The following SMPD2 variants were observed in gnomAD, a reference collection of about 807,000 sequenced individuals.
The protein encoded by SMPD2 is sphingomyelin phosphodiesterase 2, also known as N-SMase.
A neutral mutation model predicts 41.7 loss-of-function variants in SMPD2; 35 were observed. The observed-to-expected ratio is 0.84, with a 90% confidence interval of 0.64 to 1.11. The LOEUF (loss-of-function observed/expected upper bound fraction) is 1.11, where lower values mean the gene tolerates loss of function less well. Ranked by LOEUF, SMPD2 falls within the 50% of genes most tolerant of loss-of-function variation. The probability of loss-of-function intolerance (pLI) is 0.00; values close to 1 mark genes in which losing one functional copy is unlikely to be tolerated. For synonymous variants in SMPD2, 201 were observed against 208.2 expected (o/e 0.97, Z 0.30); for missense variants, 520 against 524.8 (o/e 0.99, Z 0.09).
rs1775071679 is a variant in SMPD2 at position 109,443,797 on chromosome 6, G to A, written c.1164G>A (p.Glu388=). Residue 388 remains glutamate, a synonymous_variant, in exon 10 of 10, where the codon GAG becomes GAA. Transcript: ENST00000258052. ...ATGGCTTATATAGGGCCCAGGCTGA[G>A]CTCCAGCATGTGCTAGGAAGGGCAA... ...EVNGLYRAQA[E]LQHVLGRARE... is the part of the protein sequence containing the mutation. 3 of 1,614,176 alleles carry A rather than the reference G, an allele frequency of 1.9e-6. No individual in the cohort carries two copies. In the East Asian group the frequency reaches 6.7e-5, roughly 36 times the overall value.
Position 109,443,818 on chromosome 6 carries a change from G to A in SMPD2, c.1185G>A (p.Arg395=), listed in dbSNP as rs767315393. The part of the protein sequence containing the change: ...AQAELQHVLG[R]AREAQDLGPE... ...CTGAGCTCCAGCATGTGCTAGGAAG[G>A]GCAAGGGAGGCCCAGGATCTGGGCC... Residue 395 remains arginine, a synonymous_variant, in exon 10 of 10, where the codon AGG becomes AGA. Transcript: ENST00000258052. 1.2e-6 allele frequency: 2 copies of A among 1,614,040 alleles called. No homozygotes were observed. The highest frequency in any genetic ancestry group is 2.2e-5 in the East Asian group (1 of 44,880).
At position 109,441,055 on chromosome 6, in the gene SMPD2, C is replaced by T. The variant is rs553477533; in HGVS notation, c.-67C>T. 4.5e-6 allele frequency: 7 copies of T among 1,548,158 alleles called. No homozygotes were observed. Among genetic ancestry groups the T allele is most frequent in the South Asian group, 4.5e-5 (4 of 89,496 alleles). On this transcript the variant is annotated 5_prime_UTR_variant, in exon 1 of 10. Coordinates refer to ENST00000258052, the MANE Select transcript of SMPD2 (RefSeq NM_003080.3). ...TCTGGGGAGAAGGCGCCGCCGGCCG[C>T]CCCCGTCCCCACCGCGGCCGTCGCT...
Position 109,443,429 on chromosome 6 carries a change from C to T in SMPD2, c.883+9C>T, listed in dbSNP as rs1174613431. On this transcript the variant is annotated intron_variant, in intron 9 of 9. Coordinates refer to ENST00000258052, the MANE Select transcript of SMPD2 (RefSeq NM_003080.3). Reference sequence around the variant, plus strand: ...CCCCAGCTCTACCCACGGTGAGTCACCCCCACCCTTTCCTTGGCCCTTGCC... The same window carrying T: ...CCCCAGCTCTACCCACGGTGAGTCATCCCCACCCTTTCCTTGGCCCTTGCC... 8 of 1,612,746 alleles carry T rather than the reference C, an allele frequency of 5.0e-6. No individual in the cohort carries two copies. Among genetic ancestry groups the T allele is most frequent in the Non-Finnish European group, 6.8e-6 (8 of 1,179,018 alleles).
At position 109,441,104 on chromosome 6, in the gene SMPD2, C is replaced by T. The variant is rs1177540103; in HGVS notation, c.-18C>T. 1.2e-6 allele frequency: 2 copies of T among 1,614,090 alleles called. No homozygotes were observed. The highest frequency in any genetic ancestry group is 1.3e-5 in the African/African-American group (1 of 75,066). On this transcript the variant is annotated 5_prime_UTR_variant, in exon 1 of 10. Coordinates refer to ENST00000258052, the MANE Select transcript of SMPD2 (RefSeq NM_003080.3). ...CTGGAGAGTTCGAGCCGCCTAGCGC[C>T]CCTGGAGCTCCCCAACCATGAAGCC...
At chr6:109,441,264 G>A in intron 1 of SMPD2, 93 bp downstream of exon 1, 1 of 1,592,570 alleles carries the variant, frequency 6.3e-7, no homozygotes, top group Non-Finnish European at 8.6e-7. Context: ...ATCTCAGGGT[G>A]TAGGGAAAAC....
Position 109,441,636 on chromosome 6 carries a change from G to T in SMPD2, c.224+8G>T, listed in dbSNP as rs1774891587. 11 of 1,613,590 alleles carry T rather than the reference G, an allele frequency of 6.8e-6. No homozygotes were observed. Among genetic ancestry groups the T allele is most frequent in the South Asian group, 1.1e-5 (1 of 91,080 alleles). ...TGCACACCACTTCCGGAGGTGAGAAGCCCACTGGCCTGAAGCCTGTTGTCA... is the reference window on the plus strand; with the variant it reads ...TGCACACCACTTCCGGAGGTGAGAATCCCACTGGCCTGAAGCCTGTTGTCA... On this transcript the variant is annotated splice_region_variant and intron_variant, in intron 3 of 9. Transcript: ENST00000258052.
chr6:109,443,806 T>C lies in SMPD2; in HGVS notation c.1173T>C (p.His391=). The change falls in exon 10 of 10, where the codon CAT becomes CAC. Residue 391 remains histidine, a synonymous_variant. Coordinates refer to ENST00000258052, the MANE Select transcript of SMPD2 (RefSeq NM_003080.3). ...GLYRAQAELQ[H]VLGRAREAQD... Reference sequence around the variant, plus strand: ...ATAGGGCCCAGGCTGAGCTCCAGCATGTGCTAGGAAGGGCAAGGGAGGCCC... The same window carrying C: ...ATAGGGCCCAGGCTGAGCTCCAGCACGTGCTAGGAAGGGCAAGGGAGGCCC... 10 of 1,614,086 alleles carry C rather than the reference T, an allele frequency of 6.2e-6. No individual in the cohort carries two copies. Among genetic ancestry groups the C allele is most frequent in the Non-Finnish European group, 8.5e-6 (10 of 1,180,004 alleles).
Position 109,441,006 on chromosome 6 carries a change from G to A in SMPD2, c.-116G>A, listed in dbSNP as rs980920021. ...ACGCGGGCTTGGTGCCCACCTGTGC[G>A]CGCCGCCTGCGAAGAAGGAACGGTC... On this transcript the variant is annotated 5_prime_UTR_variant, in exon 1 of 10. Coordinates refer to ENST00000258052, the MANE Select transcript of SMPD2 (RefSeq NM_003080.3). 11 of 1,056,614 alleles carry A rather than the reference G, an allele frequency of 1.0e-5. No individual in the cohort carries two copies. The highest frequency in any genetic ancestry group is 1.4e-5 in the Non-Finnish European group (10 of 706,740). 65.5% of individuals were successfully genotyped at this position (1,056,614 alleles called of 1,614,324 possible).
rs760761734 is a variant in SMPD2, at chr6:109,443,293, T to C, written c.756T>C (p.Cys252=). 6.2e-7 allele frequency: 1 copy of C among 1,614,166 alleles called. No homozygotes were observed. The highest frequency in any genetic ancestry group is 1.1e-5 in the South Asian group (1 of 91,084). Residue 252 remains cysteine, a synonymous_variant, in exon 9 of 10, where the codon TGT becomes TGC. Coordinates refer to ENST00000258052, the MANE Select transcript of SMPD2 (RefSeq NM_003080.3). ...CAGTTTCTGGGTTTTACATCTCCTG[T>C]AAGAGTTTTGAAACCACTACAGGCT... ...YKAVSGFYIS[C]KSFETTTGFD...
At chr6:109,441,293 C>T (rs967581118) in intron 1 of SMPD2, 64 bp from the exon 2 acceptor site, 12 of 1,583,188 alleles carry the variant, frequency 7.6e-6, no homozygotes, top group Non-Finnish European at 1.0e-5. Context: ...CCAAAGTCCA[C>T]ATCTGGCCCC....
intron 8 of SMPD2, 81 bp from the exon 9 acceptor site, chr6:109,443,186 G>A (rs1775026625): frequency 5.4e-5 from 84 of 1,566,280 alleles, no homozygotes; most frequent in Non-Finnish European, 6.9e-5. Context: ...ACTGATGGGT[G>A]GAAAGTGGGG....
rs1257840155 is a variant in SMPD2, at chr6:109,443,651, C to T, written c.1018C>T (p.Leu340=). ...TGGCCTGGGGCTGCTTCTCCTGGCA[C>T]TGCTGTGTGTCCTGGCGGCTGGAGG... ...VIGLGLLLLA[L]LCVLAAGGGA... The change falls in exon 10 of 10, where the codon CTG becomes TTG. Residue 340 remains leucine, a synonymous_variant. Transcript: ENST00000258052. 6.2e-7 allele frequency: 1 copy of T among 1,613,642 alleles called. No individual in the cohort carries two copies. The highest frequency in any genetic ancestry group is 8.5e-7 in the Non-Finnish European group (1 of 1,179,930).
At position 109,443,907 on chromosome 6, in the gene SMPD2, G is replaced by A. The variant is rs771821638; in HGVS notation, c.*2G>A. 6.3e-7 allele frequency: 1 copy of A among 1,597,616 alleles called. No homozygotes were observed. Among genetic ancestry groups the A allele is most frequent in the South Asian group, 1.1e-5 (1 of 90,630 alleles). On this transcript the variant is annotated 3_prime_UTR_variant, in exon 10 of 10. Coordinates refer to ENST00000258052, the MANE Select transcript of SMPD2 (RefSeq NM_003080.3). ...GGGGACAGAACTAAAGAACAATAAA[G>A]CTTGGCCCTTTAGTGGCTCTGCCTT...
At chr6:109,441,748 A>C in intron 3 of SMPD2, 120 bp downstream of exon 3, 1 of 1,022,734 alleles carries the variant, frequency 9.8e-7, no homozygotes. Context: ...TCTGGATGTG[A>C]GAGAAGGAGA....
chr6:109,443,830 C>T lies in SMPD2; in HGVS notation c.1197C>T (p.Ala399=). 6.2e-7 allele frequency: 1 copy of T among 1,613,934 alleles called. No homozygotes were observed. ...ATGTGCTAGGAAGGGCAAGGGAGGC[C>T]CAGGATCTGGGCCCAGAGCCTCAGC... The part of the protein sequence containing the change: ...LQHVLGRARE[A]QDLGPEPQPA... Residue 399 remains alanine (A), a synonymous_variant, in exon 10 of 10, where the codon GCC becomes GCT. Coordinates refer to ENST00000258052, the MANE Select transcript of SMPD2 (RefSeq NM_003080.3).
rs372703708 is a variant in SMPD2 at position 109,443,339 on chromosome 6, C to G, written c.802C>G (p.Pro268Ala). The change falls in exon 9 of 10, where the codon CCC becomes GCC. Residue 268 changes from proline (P) to alanine (A), a missense_variant. Transcript: ENST00000258052. ...TTGFDPHRGT[P>A]LSDHEALMAT... ...AGGCTTTGACCCTCACAGGGGCACCCCCCTCTCTGATCATGAAGCCCTGAT... is the reference window on the plus strand; with the variant it reads ...AGGCTTTGACCCTCACAGGGGCACCGCCCTCTCTGATCATGAAGCCCTGAT... 3.7e-6 allele frequency: 6 copies of G among 1,613,814 alleles called. No homozygotes were observed. The highest frequency in any genetic ancestry group is 5.1e-6 in the Non-Finnish European group (6 of 1,179,754).
Position 109,443,215 on chromosome 6 carries a change from C to G in SMPD2, c.730-52C>G. ...AGTGGGGTAGCCGGGAGCTGGTTCT[C>G]TGGGAAGAGGCCCTCATATATAAGC... On this transcript the variant is annotated intron_variant, in intron 8 of 9. Coordinates refer to ENST00000258052, the MANE Select transcript of SMPD2 (RefSeq NM_003080.3). The G allele has an allele frequency of 2.5e-6, 4 of 1,603,922 alleles. No homozygotes were observed. In the South Asian group the frequency reaches 4.4e-5, roughly 18 times the overall value.
intron 3 of SMPD2, 116 bp from the exon 4 acceptor site, chr6:109,441,858 G>A: frequency 3.8e-6 from 4 of 1,041,724 alleles, no homozygotes; most frequent in Admixed American, 3.5e-5. Context: ...TCTAGGGCTA[G>A]TCCCAGCAGT....
chr6:109,442,398 G>A (rs1007259932), intron 5 of SMPD2, 99 bp downstream of exon 5: 17 of 1,379,802 alleles, frequency 1.2e-5, no homozygotes, highest in Non-Finnish European at 1.8e-5. Context: ...GATGAGGTGT[G>A]GGGGCAAGAT....
Sources: gnomAD v4.1 joint callset for allele counts on GRCh38, gnomAD v4.1.1 for gene constraint, MANE v1.5 for transcripts, NCBI Gene and HGNC (gene_info 2026-07-23, HGNC 2026-07-21) for gene names.